OSBPL1A: variants seen among roughly 807,000 people sequenced by gnomAD.
OSBPL1A encodes oxysterol-binding protein-related protein 1.
OSBPL1A carries 80 observed loss-of-function variants against 137.1 expected under a neutral mutation model. That is an observed-to-expected ratio of 0.58 (90% confidence interval 0.49 to 0.70). The LOEUF (loss-of-function observed/expected upper bound fraction) is 0.70. Ranked by LOEUF, OSBPL1A falls within the 30% of genes least tolerant of loss-of-function variation. The pLI, the probability that OSBPL1A is intolerant of heterozygous loss-of-function variation, is 0.00. For missense variants in OSBPL1A, 970 were observed against 1,129.4 expected (o/e 0.86, Z 2.02); for synonymous variants, 365 against 389.7 (o/e 0.94, Z 0.75).
intron 14 of OSBPL1A, among the ~76,000 whole-genome samples, chr18:24,290,001 A>G (rs537740317): frequency 1.1e-4 from 16 of 152,314 alleles, no homozygotes; most frequent in South Asian, 6.2e-4. Context: ...TTGAAAAATC[A>G]TAAGTTGAAC....
chr18:24,252,269 T>C (rs1196167507), intron 15 of OSBPL1A, among the ~76,000 whole-genome samples: 1 of 152,042 alleles, frequency 6.6e-6, no homozygotes, highest in Non-Finnish European at 1.5e-5. Context: ...CCTCATGGCA[T>C]CTAAGAATCA....
At chr18:24,394,121 T>A (rs1907564016) in intron 1 of OSBPL1A, among the ~76,000 whole-genome samples, 1 of 152,230 alleles carries the variant, frequency 6.6e-6, no homozygotes, top group African/African-American at 2.4e-5. Context: ...GCCACAATTA[T>A]GTGTCATCTA....
chr18:24,312,116 T>C lies in OSBPL1A; in HGVS notation c.970-10A>G, dbSNP rs202060907. 6.8e-6 allele frequency: 11 copies of C among 1,612,936 alleles called. No individual in the cohort carries two copies. Among genetic ancestry groups the C allele is most frequent in the Middle Eastern group, 3.3e-4 (2 of 6,052 alleles). On this transcript the variant is annotated splice_polypyrimidine_tract_variant and intron_variant, in intron 12 of 27. Coordinates refer to ENST00000319481, the MANE Select transcript of OSBPL1A (RefSeq NM_080597.4). Reference sequence around the variant, plus strand: ...TTGCTTCCAGCCAGTCCTGAAATCATGCAAGAATTTAAATGAGAGTGAAAA... The same window carrying C: ...TTGCTTCCAGCCAGTCCTGAAATCACGCAAGAATTTAAATGAGAGTGAAAA...
intron 15 of OSBPL1A, among the ~76,000 whole-genome samples, chr18:24,248,208 G>C (rs893894213): frequency 7.2e-5 from 11 of 152,206 alleles, no homozygotes; most frequent in Admixed American, 1.3e-4. Flanking sequence ...AAGGAATACA[G>C]AGAATAAGAA....
intron 15 of OSBPL1A, among the ~76,000 whole-genome samples, chr18:24,258,925 CTTTTTTT>C (rs543867145): frequency 6.5e-5 from 6 of 92,752 alleles, no homozygotes; most frequent in East Asian, 3.1e-4. Flanking sequence ...AAAATTACAT[CTTTTTTT>C]TTTTTTTTTT....
chr18:24,336,920 G>T (rs553516813), intron 5 of OSBPL1A, among the ~76,000 whole-genome samples: 29 of 152,106 alleles, frequency 1.9e-4, no homozygotes, highest in Non-Finnish European at 4.4e-5. Context: ...GTGGTAAATG[G>T]GGTATTTACT....
At chr18:24,385,429 A>G (rs1906899506) in intron 1 of OSBPL1A, among the ~76,000 whole-genome samples, 1 of 152,156 alleles carries the variant, frequency 6.6e-6, no homozygotes, top group Non-Finnish European at 1.5e-5. Context: ...AAATAGTGGG[A>G]GTTATCATCA....
intron 6 of OSBPL1A, among the ~76,000 whole-genome samples, chr18:24,333,884 G>A (rs2091127365): frequency 6.6e-6 from 1 of 151,990 alleles, no homozygotes; most frequent in East Asian, 1.9e-4. Flanking sequence ...CCTTTATAGG[G>A]TCCTATTTAT....
chr18:24,243,289 T>C (rs1221668142), intron 15 of OSBPL1A, among the ~76,000 whole-genome samples: 1 of 152,190 alleles, frequency 6.6e-6, no homozygotes, highest in African/African-American at 2.4e-5. Context: ...AATGATCCTT[T>C]CTTTGAAAAG....
chr18:24,189,797 G>C (rs558802155), intron 18 of OSBPL1A, among the ~76,000 whole-genome samples: 1 of 152,162 alleles, frequency 6.6e-6, no homozygotes, highest in Admixed American at 6.5e-5. Flanking sequence ...GCTCTGGATG[G>C]GCAGTTTGAA....
At chr18:24,305,824 G>T (rs984990108) in intron 13 of OSBPL1A, among the ~76,000 whole-genome samples, 3 of 152,152 alleles carry the variant, frequency 2.0e-5, no homozygotes, top group Non-Finnish European at 4.4e-5. Context: ...CATAGGATCT[G>T]ATGGTTTTAT....
At chr18:24,264,052 A>G (rs1449523760) in intron 15 of OSBPL1A, among the ~76,000 whole-genome samples, 1 of 152,246 alleles carries the variant, frequency 6.6e-6, no homozygotes, top group Non-Finnish European at 1.5e-5. Flanking sequence ...TTAATTCACA[A>G]GAGAATGTTG....
At chr18:24,264,771 CTT>C (rs1474712433) in intron 15 of OSBPL1A, among the ~76,000 whole-genome samples, 1 of 152,174 alleles carries the variant, frequency 6.6e-6, no homozygotes, top group African/African-American at 2.4e-5. Context: ...TGTCTAAAGA[CTT>C]TTCCTAAGTC....
intron 24 of OSBPL1A, among the ~76,000 whole-genome samples, chr18:24,169,049 T>G (rs1436327992): frequency 3.3e-5 from 5 of 152,152 alleles, no homozygotes; most frequent in Non-Finnish European, 2.9e-5. Flanking sequence ...CATGCCCTTC[T>G]CAGCCCCATC....
At chr18:24,350,047 G>C (rs2091411666) in intron 4 of OSBPL1A, among the ~76,000 whole-genome samples, 1 of 152,190 alleles carries the variant, frequency 6.6e-6, no homozygotes, top group South Asian at 2.1e-4. Flanking sequence ...GATCCCATCT[G>C]ACCCCGAACA....
intron 7 of OSBPL1A, among the ~76,000 whole-genome samples, chr18:24,326,228 G>A (rs1017181467): frequency 5.3e-5 from 8 of 152,188 alleles, no homozygotes; most frequent in African/African-American, 1.9e-4. Flanking sequence ...GGACAATGTG[G>A]AAAAGCTGTT....
At chr18:24,395,088 A>C (rs552950847) in intron 1 of OSBPL1A, among the ~76,000 whole-genome samples, 1 of 152,342 alleles carries the variant, frequency 6.6e-6, no homozygotes, top group African/African-American at 2.4e-5. Context: ...ATTACCTGAC[A>C]GTGTCTTTTC....
At position 24,323,539 on chromosome 18, in the gene OSBPL1A, C is replaced by CT. The variant is rs763234169; in HGVS notation, c.626-4731dup. Among the ~76,000 whole-genome samples the CT allele has an allele frequency of 8.1e-3, 286 of 35,154 alleles. 43 individuals are homozygous for CT. The highest frequency in any genetic ancestry group is 0.015 in the East Asian group (35 of 2,388). The allele number at this position is 35,154 out of a possible 152,430, so 23.1% of individuals were successfully genotyped here. A position where few individuals can be genotyped will look rare whatever the true frequency, so the allele number is the denominator to read the frequency against. On this transcript the variant is annotated intron_variant, in intron 7 of 27. Transcript: ENST00000319481. ...ACACCCAGCCAGGGTGAGGCTTTTT[C>CT]TTTTTTTTTTTTTTTTTTTTTTATT...
chr18:24,166,442 AT>A, intron 26 of OSBPL1A, 136 bp downstream of exon 26: 1 of 1,078,794 alleles, frequency 9.3e-7, no homozygotes, highest in Admixed American at 2.9e-5. Flanking sequence ...TTTAAATTGA[AT>A]GTTAACTCAA....
Sources: allele counts gnomAD v4.1 joint callset (sites outside exome capture counted in the v4.1 genomes callset), GRCh38; gene constraint gnomAD v4.1.1; transcripts MANE v1.5; gene names NCBI Gene and HGNC (gene_info 2026-07-23, HGNC 2026-07-21).